TMPRSS11F: variants seen among roughly 807,000 people sequenced by gnomAD.
TMPRSS11F encodes transmembrane serine protease 11F.
Under a neutral mutation model 60.2 loss-of-function variants are expected in TMPRSS11F, and 47 were observed. The observed-to-expected ratio is 0.78, with a 90% CI of 0.62 to 1.00. The LOEUF is 1.00. Among genes scored for constraint, TMPRSS11F ranks in the 50% least tolerant of loss-of-function variants. TMPRSS11F has a pLI of 0.00. For synonymous variants in TMPRSS11F, 166 were observed against 167.3 expected, an observed-to-expected ratio of 0.99 and a Z score of 0.06; for missense variants, 519 against 522.9, an observed-to-expected ratio of 0.99 and a Z score of 0.07.
At chr4:68,115,731 T>C (rs544254333) in intron 1 of TMPRSS11F, among the ~76,000 whole-genome samples, 8 of 152,266 alleles carry the variant, frequency 5.3e-5, no homozygotes, top group African/African-American at 1.9e-4. Context: ...ATTTAACAAA[T>C]AGGTACTGAA....
chr4:68,066,113 T>C (rs569082475), intron 7 of TMPRSS11F, among the ~76,000 whole-genome samples: 253 of 48,394 alleles, frequency 5.2e-3, no homozygotes, highest in African/African-American at 0.017. Context: ...AGCAAGACTG[T>C]CTCAAAAAAA....
chr4:68,095,690 G>C (rs1431404827), intron 2 of TMPRSS11F, among the ~76,000 whole-genome samples: 1 of 152,078 alleles, frequency 6.6e-6, no homozygotes, highest in Non-Finnish European at 1.5e-5. Context: ...GAGGTCAGGA[G>C]TTAGAGATCA....
intron 1 of TMPRSS11F, among the ~76,000 whole-genome samples, chr4:68,101,527 T>G (rs1441974109): frequency 6.6e-6 from 1 of 152,164 alleles, no homozygotes; most frequent in East Asian, 1.9e-4. Context: ...GATATATTTG[T>G]TAGATGTATA....
intron 4 of TMPRSS11F, among the ~76,000 whole-genome samples, chr4:68,073,012 A>C (rs1231507328): frequency 1.3e-5 from 2 of 152,148 alleles, no homozygotes; most frequent in Non-Finnish European, 2.9e-5. Flanking sequence ...GAAATATGGA[A>C]AGAAATAATG....
At chr4:68,062,855 G>C (rs200993654) in intron 8 of TMPRSS11F, 1 of 779,868 alleles carries the variant, frequency 1.3e-6, no homozygotes, top group Non-Finnish European at 2.3e-6. Context: ...ATATGTATTG[G>C]GTGGTCTGTT....
At chr4:68,063,246 C>T (rs1308013390) in intron 8 of TMPRSS11F, 12 of 573,598 alleles carry the variant, frequency 2.1e-5, no homozygotes, top group Non-Finnish European at 2.8e-5. Context: ...TCCACAGGTT[C>T]TCTCTCCACC....
At chr4:68,094,336 G>A (rs1460907930) in intron 2 of TMPRSS11F, among the ~76,000 whole-genome samples, 2 of 136,298 alleles carry the variant, frequency 1.5e-5, no homozygotes, top group South Asian at 2.5e-4. Flanking sequence ...ACTCATAGGT[G>A]GGAATTGAAC....
chr4:68,092,969 T>C (rs1411066853), intron 2 of TMPRSS11F, among the ~76,000 whole-genome samples: 16 of 152,194 alleles, frequency 1.1e-4, no homozygotes, highest in Non-Finnish European at 1.5e-5. Context: ...ATGTTGAACT[T>C]TTGTCTTAAT....
At position 68,129,828 on chromosome 4, in the gene TMPRSS11F, G is replaced by A. The variant is rs1360259788; in HGVS notation, c.-8C>T. The A allele has an allele frequency of 1.9e-6, 3 of 1,613,342 alleles. No homozygotes were observed. The highest frequency in any genetic ancestry group is 2.5e-6 in the Non-Finnish European group (3 of 1,179,462). ...TACTTACGCGTACATCATGAACCCA[G>A]GACTGGGGCAGCTTCTATTCAGTCA... is the stretch of plus-strand genomic sequence containing the variant. On this transcript the variant is annotated 5_prime_UTR_variant, in exon 1 of 10. Coordinates refer to ENST00000356291, the MANE Select transcript of TMPRSS11F (RefSeq NM_207407.2).
intron 3 of TMPRSS11F, among the ~76,000 whole-genome samples, chr4:68,075,491 CTCTG>C (rs141457303): frequency 0.035 from 5,399 of 152,206 alleles, 263 homozygotes; most frequent in African/African-American, 0.11. Context: ...AAGTCTCTCT[CTCTG>C]TCTGTCTCTC....
intron 5 of TMPRSS11F, 79 bp downstream of exon 5, chr4:68,072,223 AAAAAAAAATATATATATATAT>A: frequency 1.6e-5 from 1 of 62,046 alleles, no homozygotes; most frequent in Non-Finnish European, 3.2e-5. Context: ...ATATCTTCCA[AAAAAAAAATATATATATATAT>A]ATATATTGCT....
chr4:68,078,530 C>A (rs182116859), intron 3 of TMPRSS11F, among the ~76,000 whole-genome samples: 1 of 152,260 alleles, frequency 6.6e-6, no homozygotes, highest in Admixed American at 6.5e-5. Context: ...GTTTATATAT[C>A]CAATGTTCCA....
chr4:68,082,748 G>T (rs1723732651), intron 3 of TMPRSS11F, among the ~76,000 whole-genome samples: 1 of 152,248 alleles, frequency 6.6e-6, no homozygotes, highest in African/African-American at 2.4e-5. Flanking sequence ...TGGTGCTGCA[G>T]CAGGGGAAGA....
At chr4:68,124,036 T>C (rs1476922932) in intron 1 of TMPRSS11F, among the ~76,000 whole-genome samples, 1 of 151,690 alleles carries the variant, frequency 6.6e-6, no homozygotes, top group Non-Finnish European at 1.5e-5. Flanking sequence ...GCCTGGCCAA[T>C]ATGGCGAAAC....
At chr4:68,101,489 G>T (rs1444198462) in intron 1 of TMPRSS11F, among the ~76,000 whole-genome samples, 1 of 152,118 alleles carries the variant, frequency 6.6e-6, no homozygotes, top group Non-Finnish European at 1.5e-5. Flanking sequence ...AATTATGCAA[G>T]AAACTTTGAG....
At chr4:68,118,975 T>C (rs950259961) in intron 1 of TMPRSS11F, among the ~76,000 whole-genome samples, 2 of 152,198 alleles carry the variant, frequency 1.3e-5, no homozygotes, top group Non-Finnish European at 2.9e-5. Context: ...GGCTGAAAGC[T>C]AGGCCTCTTG....
In TMPRSS11F at chr4:68,069,954, G is replaced by T. The variant is rs12504120; in HGVS notation, c.553+15C>A. On this transcript the variant is annotated intron_variant, in intron 6 of 9. Transcript: ENST00000356291. ...ACTGTGAAATAAACAGTTAATTGTG[G>T]GTTTTGGAACTTACGACTGTTGAGA... is the stretch of plus-strand genomic sequence containing the variant. 0.21 allele frequency: 334,276 copies of T among 1,578,674 alleles called. 38,419 individuals carry two copies. The highest frequency in any genetic ancestry group is 0.43 in the Admixed American group (24,462 of 56,390).
chr4:68,108,805 A>G (rs1336588659), intron 1 of TMPRSS11F, among the ~76,000 whole-genome samples: 1 of 152,220 alleles, frequency 6.6e-6, no homozygotes, highest in African/African-American at 2.4e-5. Context: ...TGATAAAGGG[A>G]CAGGCTTCCT....
intron 2 of TMPRSS11F, 52 bp downstream of exon 2, chr4:68,098,835 G>T (rs1393921971): frequency 1.0e-5 from 15 of 1,499,370 alleles, no homozygotes; most frequent in Non-Finnish European, 3.6e-6. Flanking sequence ...AAAATTTCAA[G>T]ATACGAAGTC....
Sources: allele counts gnomAD v4.1 joint callset (sites outside exome capture counted in the v4.1 genomes callset), GRCh38; gene constraint gnomAD v4.1.1; transcripts MANE v1.5; gene names NCBI Gene and HGNC (gene_info 2026-07-23, HGNC 2026-07-21).